The following ATP2A1 variants were observed in gnomAD, a reference collection of about 807,000 sequenced individuals.
ATP2A1 encodes ATPase sarcoplasmic/endoplasmic reticulum Ca2+ transporting 1.
Under a neutral mutation model 109.5 loss-of-function variants are expected in ATP2A1, and 83 were observed. The ratio of observed to expected loss-of-function variants is 0.76; its 90% confidence interval spans 0.63 to 0.91. The LOEUF (loss-of-function observed/expected upper bound fraction) is 0.91, where lower values mean the gene tolerates loss of function less well. Among genes scored for constraint, ATP2A1 ranks in the 40% least tolerant of loss-of-function variants. The pLI, the probability that ATP2A1 is intolerant of heterozygous loss-of-function variation, is 0.00. For missense variants in ATP2A1, 1,101 were observed against 1,341.0 expected, an observed-to-expected ratio of 0.82 and a Z score of 2.80; for synonymous variants, 505 against 537.6, an observed-to-expected ratio of 0.94 and a Z score of 0.84.
rs1488886532 is a variant in ATP2A1 at position 28,888,650 on chromosome 16, C to CCT, written c.929-136_929-135insTC. 15 of 998,402 alleles carry CCT rather than the reference C, an allele frequency of 1.5e-5. No individual in the cohort carries two copies. The Admixed American group carries it at 3.4e-4, about 23-fold the overall frequency. The allele number at this position is 998,402 out of a possible 1,614,324, so 61.8% of individuals were successfully genotyped here. On this transcript the variant is annotated intron_variant, in intron 8 of 22. Transcript: ENST00000395503. ...AAACTCCTGGCCTCAAGTGATCCTCCCGCCTCAGCCTCCCAAAGTGCTAGG... is the reference window on the plus strand; with the variant it reads ...AAACTCCTGGCCTCAAGTGATCCTCCCTCGCCTCAGCCTCCCAAAGTGCTAGG...
intron 9 of ATP2A1, 58 bp downstream of exon 9, chr16:28,889,011 G>A: frequency 9.4e-6 from 15 of 1,602,220 alleles, no homozygotes; most frequent in Middle Eastern, 1.8e-4. Context: ...GGGTTAAATG[G>A]GCCCTCCAAA....
intron 9 of ATP2A1, among the ~76,000 whole-genome samples, chr16:28,891,595 A>ATAATAAT: frequency 6.7e-6 from 1 of 150,294 alleles, no homozygotes; most frequent in East Asian, 2.0e-4. Context: ...GTCTCAAAAA[A>ATAATAAT]AAAAAAAAAA....
chr16:28,900,782 C>T lies in ATP2A1; in HGVS notation c.1966C>T (p.Arg656Ter), dbSNP rs559067146. The T allele has an allele frequency of 5.6e-6, 9 of 1,614,188 alleles. No homozygotes were observed. The highest frequency in any genetic ancestry group is 4.4e-5 in the South Asian group (4 of 91,080). The change falls in exon 15 of 23, where the codon CGA (arginine) becomes TGA (stop). Residue 656 changes from arginine (R) to a stop codon, truncating the protein, a stop_gained. Transcript: ENST00000395503. LOFTEE classifies it high-confidence loss of function. ...GGTGGCCGATCGCGCCTACACGGGC[C>T]GAGAGTTCGACGACCTGCCCCTGGC... ...EEVADRAYTGREFDDLPLAEQ... is the reference protein window; with the variant it reads ...EEVADRAYTG
Position 28,903,604 on chromosome 16 carries a change from G to C in ATP2A1, c.2981-96G>C. On this transcript the variant is annotated intron_variant, in intron 21 of 22. Coordinates refer to ENST00000395503, the MANE Select transcript of ATP2A1 (RefSeq NM_004320.6). The surrounding 1 kb of genome is among the most constrained non-coding windows in gnomAD (Gnocchi z 5.6). ...GCGCCTGCAGGGGCCACATCTCCGGGGCAGCCCCACTGCCTCCTCAGCCCC... is the reference window on the plus strand; with the variant it reads ...GCGCCTGCAGGGGCCACATCTCCGGCGCAGCCCCACTGCCTCCTCAGCCCC... 8.2e-7 allele frequency: 1 copy of C among 1,219,842 alleles called. No homozygotes were observed. Among genetic ancestry groups the C allele is most frequent in the Non-Finnish European group, 1.2e-6 (1 of 820,620 alleles). The allele number at this position is 1,219,842 out of a possible 1,614,324, so 75.6% of individuals were successfully genotyped here.
chr16:28,879,930 C>T, intron 3 of ATP2A1: 1 of 942,090 alleles, frequency 1.1e-6, no homozygotes, highest in Non-Finnish European at 1.3e-6. Context: ...ACTGCCACTC[C>T]CGGCATGCGC....
In ATP2A1 at chr16:28,888,881, C is replaced by G. The variant is rs1197897161; in HGVS notation, c.1023C>G (p.Thr341=). Residue 341 remains threonine (T), a synonymous_variant, in exon 9 of 23, where the codon ACC becomes ACG. Transcript: ENST00000395503. The part of the protein sequence containing the change: ...AIVRSLPSVE[T]LGCTSVICSD... ...TAAGAAGCTTGCCCTCCGTAGAGAC[C>G]CTGGGCTGCACCTCTGTCATCTGTT... 3 of 1,614,010 alleles carry G rather than the reference C, an allele frequency of 1.9e-6. No homozygotes were observed. Among genetic ancestry groups the G allele is most frequent in the African/African-American group, 1.3e-5 (1 of 74,902 alleles).
rs771772555 is a variant in ATP2A1, at chr16:28,903,339, G to A, written c.2879G>A (p.Arg960Gln). The A allele has an allele frequency of 8.9e-5, 143 of 1,613,218 alleles. No homozygotes were observed. The highest frequency in any genetic ancestry group is 1.2e-4 in the Non-Finnish European group (140 of 1,179,700). ...CTGCCCCAGATGATCTTCAAGCTCCGGGCCCTGGACCTCACCCAGTGGCTC... is the reference window on the plus strand; with the variant it reads ...CTGCCCCAGATGATCTTCAAGCTCCAGGCCCTGGACCTCACCCAGTGGCTC... ...VDPLPMIFKLRALDLTQWLMV... is the reference protein window; with the variant it reads ...VDPLPMIFKLQALDLTQWLMV... Residue 960 changes from arginine (R) to glutamine (Q), a missense_variant, in exon 21 of 23, where the codon CGG becomes CAG. Arg to Gln is a conservative substitution (Grantham distance 43). Transcript: ENST00000395503. The surrounding 1 kb of genome is among the most constrained non-coding windows in gnomAD (Gnocchi z 5.6).
chr16:28,902,862 A>G lies in ATP2A1; in HGVS notation c.2695A>G (p.Met899Val), dbSNP rs373480720. Residue 899 changes from methionine (M) to valine (V), a missense_variant, in exon 19 of 23, where the codon ATG becomes GTG. Transcript: ENST00000395503. The surrounding 1 kb of genome is among the most constrained non-coding windows in gnomAD (Gnocchi z 4.8). ...EVFEAPEPMTMALSVLVTIEM... is the reference protein window; with the variant it reads ...EVFEAPEPMTVALSVLVTIEM... The stretch of plus-strand genomic sequence containing the variant: ...CTTCGAGGCCCCCGAGCCCATGACC[A>G]TGGCCCTGTCCGTGCTGGTGACCAT... The G allele has an allele frequency of 4.3e-6, 7 of 1,613,754 alleles. No homozygotes were observed. Among genetic ancestry groups the G allele is most frequent in the Non-Finnish European group, 5.9e-6 (7 of 1,179,946 alleles).
chr16:28,887,281 A>C lies in ATP2A1; in HGVS notation c.630+7A>C. On this transcript the variant is annotated splice_region_variant and intron_variant, in intron 7 of 22. Coordinates refer to ENST00000395503, the MANE Select transcript of ATP2A1 (RefSeq NM_004320.6). ...GAAGAACATGCTTTTCTCGGTGAGC[A>C]ATCCGGGACCAGCCATCACACACTC... The C allele has an allele frequency of 3.1e-6, 5 of 1,613,944 alleles. No homozygotes were observed. The highest frequency in any genetic ancestry group is 4.2e-6 in the Non-Finnish European group (5 of 1,179,946).
rs773006876 is a variant in ATP2A1 at position 28,898,150 on chromosome 16, C to T, written c.1545+25C>T. 6.2e-7 allele frequency: 1 copy of T among 1,614,182 alleles called. No individual in the cohort carries two copies. Among genetic ancestry groups the T allele is most frequent in the South Asian group, 1.1e-5 (1 of 91,084 alleles). ...GGTCAGAAATCGGAATGTGCCTCAG[C>T]CCCCTCTTCTTCCTACTCCTAGCCA... On this transcript the variant is annotated intron_variant, in intron 13 of 22. Coordinates refer to ENST00000395503, the MANE Select transcript of ATP2A1 (RefSeq NM_004320.6). The surrounding 1 kb of genome is among the most constrained non-coding windows in gnomAD (Gnocchi z 4.0).
Position 28,902,617 on chromosome 16 carries a change from G to A in ATP2A1, c.2562G>A (p.Trp854Ter). The change falls in exon 18 of 23, where the codon TGG becomes TGA. Residue 854 changes from tryptophan to a stop codon, truncating the protein, a stop_gained. Transcript: ENST00000395503. LOFTEE classifies it high-confidence loss of function. This position sits in a 1 kb window ranked among gnomAD's most constrained non-coding sequence, Gnocchi z 4.8. ...VGAATVGAAA[W>*]WFLYAEDGPH... is the part of the protein sequence containing the mutation. ...CAGCCACCGTGGGAGCAGCTGCCTG[G>A]TGGTTCCTGTACGCTGAGGATGGGC... 5 of 1,614,122 alleles carry A rather than the reference G, an allele frequency of 3.1e-6. No individual in the cohort carries two copies. The highest frequency in any genetic ancestry group is 4.2e-6 in the Non-Finnish European group (5 of 1,180,006).
In ATP2A1 at chr16:28,880,556, A is replaced by G. The variant is rs1963440096; in HGVS notation, c.220-359A>G. ...GGGCCAGACCGCCTGCGAAGACCAC[A>G]GGGTTTTTCCTCTCGGGTTTTGGCT... On this transcript the variant is annotated intron_variant, in intron 3 of 22. Coordinates refer to ENST00000395503, the MANE Select transcript of ATP2A1 (RefSeq NM_004320.6). The surrounding 1 kb of genome is among the most constrained non-coding windows in gnomAD (Gnocchi z 4.2). Among the ~76,000 whole-genome samples the G allele has an allele frequency of 6.6e-6, 1 of 152,230 alleles. No individual in the cohort carries two copies.
In ATP2A1 at chr16:28,903,748, C is replaced by G; in HGVS notation, c.*37+7C>G. 1 of 1,613,166 alleles carries G rather than the reference C, an allele frequency of 6.2e-7. No individual in the cohort carries two copies. The highest frequency in any genetic ancestry group is 8.5e-7 in the Non-Finnish European group (1 of 1,179,176). The stretch of plus-strand genomic sequence containing the variant: ...CTCTGAGCCCGTGTCACAGGTATCA[C>G]CCCCTTCTTGCCCTCAGCCCAGCTG... On this transcript the variant is annotated splice_region_variant and intron_variant, in intron 22 of 22. Coordinates refer to ENST00000395503, the MANE Select transcript of ATP2A1 (RefSeq NM_004320.6). This position sits in a 1 kb window ranked among gnomAD's most constrained non-coding sequence, Gnocchi z 5.6.
chr16:28,894,719 A>T, intron 11 of ATP2A1, 103 bp from the exon 12 acceptor site: 3 of 1,597,058 alleles, frequency 1.9e-6, no homozygotes, highest in Non-Finnish European at 2.6e-6. Flanking sequence ...GCCAGGGTGC[A>T]AGGGAGGCAG....
chr16:28,878,801 T>C lies in ATP2A1; in HGVS notation c.118+12T>C, dbSNP rs759400840. 1.2e-6 allele frequency: 2 copies of C among 1,613,020 alleles called. No individual in the cohort carries two copies. The highest frequency in any genetic ancestry group is 1.1e-5 in the South Asian group (1 of 91,040). ...ATACGGCCTCAATGGTAAGTGTCCC[T>C]TGGAAGAGCGGCTGGTAATTAATGC... On this transcript the variant is annotated intron_variant, in intron 1 of 22. Transcript: ENST00000395503.
rs1176822446 is a variant in ATP2A1, at chr16:28,903,813, G to A, written c.*37+72G>A. On this transcript the variant is annotated intron_variant, in intron 22 of 22. Transcript: ENST00000395503. This position sits in a 1 kb window ranked among gnomAD's most constrained non-coding sequence, Gnocchi z 5.6. ...CCCGCGCCCCCTCAGCCCCTTGCGC[G>A]TCGCATCCAAGGTCACTTGTGCTCG... 36 of 1,383,390 alleles carry A rather than the reference G, an allele frequency of 2.6e-5. No homozygotes were observed. In the East Asian group the frequency reaches 3.0e-4, roughly 11 times the overall value. 85.7% of individuals were successfully genotyped at this position (1,383,390 alleles called of 1,614,324 possible).
chr16:28,900,497 C>A, intron 14 of ATP2A1, 84 bp from the exon 15 acceptor site: 3 of 1,285,210 alleles, frequency 2.3e-6, no homozygotes, highest in Non-Finnish European at 3.1e-6. Context: ...GACCTTTCAC[C>A]CCATCCCCAC....
Position 28,904,240 on chromosome 16 carries a change from T to C in ATP2A1, c.*98T>C. 2 of 1,613,686 alleles carry C rather than the reference T, an allele frequency of 1.2e-6. No homozygotes were observed. Among genetic ancestry groups the C allele is most frequent in the Non-Finnish European group, 1.7e-6 (2 of 1,179,782 alleles). Reference sequence around the variant, plus strand: ...TGCTCTGTCCTCCCCACCCCGATAGTGACACATCTTCAGGCAGAGCTGTGG... The same window carrying C: ...TGCTCTGTCCTCCCCACCCCGATAGCGACACATCTTCAGGCAGAGCTGTGG... On this transcript the variant is annotated 3_prime_UTR_variant, in exon 23 of 23. Coordinates refer to ENST00000395503, the MANE Select transcript of ATP2A1 (RefSeq NM_004320.6).
intron 9 of ATP2A1, among the ~76,000 whole-genome samples, chr16:28,893,927 G>A (rs991801912): frequency 1.3e-5 from 2 of 152,084 alleles, no homozygotes; most frequent in South Asian, 2.1e-4. Flanking sequence ...TTACAGGTGT[G>A]AGCCACCTCG....
Sources: allele counts gnomAD v4.1 joint callset (sites outside exome capture counted in the v4.1 genomes callset), GRCh38; gene constraint gnomAD v4.1.1; non-coding constraint Gnocchi (gnomAD v3.1); transcripts MANE v1.5; gene names NCBI Gene and HGNC (gene_info 2026-07-23, HGNC 2026-07-21).